Variants in NBEA observed in about 807,000 individuals in gnomAD.
NBEA encodes the protein neurobeachin.
NBEA carries 44 observed loss-of-function variants against 343.4 expected under a neutral mutation model. That is an observed-to-expected ratio of 0.13 (90% confidence interval 0.10 to 0.16). NBEA has a LOEUF of 0.16. Among genes scored for constraint, NBEA ranks in the 10% least tolerant of loss-of-function variants. The probability of loss-of-function intolerance (pLI) is 1.00; values close to 1 mark genes in which losing one functional copy is unlikely to be tolerated. For synonymous variants in NBEA, 1,175 were observed against 1,238.7 expected (o/e 0.95, Z 1.08); for missense variants, 2,555 against 3,631.3 (o/e 0.70, Z 7.62).
chr13:35,440,742 T>C (rs914346504), intron 39 of NBEA, among the ~76,000 whole-genome samples: 1 of 152,082 alleles, frequency 6.6e-6, no homozygotes, highest in Non-Finnish European at 1.5e-5. Context: ...ACCATAGAAA[T>C]TAGGGGACAT....
intron 41 of NBEA, chr13:35,475,482 G>A (rs754906601): frequency 6.2e-6 from 10 of 1,612,308 alleles, no homozygotes; most frequent in Non-Finnish European, 8.5e-6. Flanking sequence ...TCTGCTTGCC[G>A]GCCAAGGAGT....
intron 44 of NBEA, among the ~76,000 whole-genome samples, chr13:35,560,944 T>C (rs35384848): frequency 0.14 from 22,028 of 152,090 alleles, 1,850 homozygotes; most frequent in East Asian, 0.35. Context: ...TTTGGTTCCC[T>C]ACTGCCATAA....
chr13:35,564,476 T>C (rs972673086), intron 44 of NBEA, among the ~76,000 whole-genome samples: 1 of 152,144 alleles, frequency 6.6e-6, no homozygotes, highest in Non-Finnish European at 1.5e-5. Flanking sequence ...CTGTACTCTT[T>C]GTATATATAC....
At chr13:35,538,204 G>A (rs1281607768) in intron 41 of NBEA, among the ~76,000 whole-genome samples, 1 of 152,038 alleles carries the variant, frequency 6.6e-6, no homozygotes, top group African/African-American at 2.4e-5. Context: ...AGACATCCTG[G>A]GGATGGGATC....
chr13:35,335,828 G>T (rs564665512), intron 36 of NBEA, among the ~76,000 whole-genome samples: 1 of 152,198 alleles, frequency 6.6e-6, no homozygotes, highest in Non-Finnish European at 1.5e-5. Context: ...GCTTTGAAAA[G>T]CTCTAACATA....
intron 13 of NBEA, among the ~76,000 whole-genome samples, chr13:35,112,954 A>G (rs905199615): frequency 2.4e-4 from 36 of 152,270 alleles, no homozygotes; most frequent in Admixed American, 1.3e-3. Flanking sequence ...CATCTAATTC[A>G]GAGACCCCAT....
intron 10 of NBEA, among the ~76,000 whole-genome samples, chr13:35,072,614 CA>C (rs1359149887): frequency 6.6e-6 from 1 of 152,030 alleles, no homozygotes; most frequent in African/African-American, 2.4e-5. Context: ...GGCTGGAGTG[CA>C]GTGGTGTGAT....
chr13:35,017,747 G>A (rs960399403), intron 1 of NBEA, among the ~76,000 whole-genome samples: 13 of 151,986 alleles, frequency 8.6e-5, no homozygotes, highest in South Asian at 2.1e-4. Context: ...TTCAGGCTCC[G>A]GTTTGTCTTT....
intron 1 of NBEA, among the ~76,000 whole-genome samples, chr13:34,946,332 C>A (rs1187878767): frequency 6.6e-6 from 1 of 152,102 alleles, no homozygotes; most frequent in Non-Finnish European, 1.5e-5. Context: ...CTTTTGTAAA[C>A]ACACTTAACA....
intron 36 of NBEA, among the ~76,000 whole-genome samples, chr13:35,318,809 C>T (rs2037930765): frequency 6.6e-6 from 1 of 152,086 alleles, no homozygotes; most frequent in South Asian, 2.1e-4. Context: ...AGGGATTCGA[C>T]TTCTTCCTGG....
At chr13:35,128,496 T>G (rs192585156) in intron 17 of NBEA, among the ~76,000 whole-genome samples, 1 of 152,246 alleles carries the variant, frequency 6.6e-6, no homozygotes, top group Non-Finnish European at 1.5e-5. Context: ...CTTAAACTTG[T>G]GGGTCGGTGT....
At chr13:34,983,287 C>G (rs2060423331) in intron 1 of NBEA, among the ~76,000 whole-genome samples, 1 of 152,192 alleles carries the variant, frequency 6.6e-6, no homozygotes, top group Admixed American at 6.5e-5. Context: ...GGTTTTCTGT[C>G]CTTGCGATAG....
chr13:35,010,741 AATATATAT>A (rs869140392), intron 1 of NBEA, among the ~76,000 whole-genome samples: 729 of 31,484 alleles, frequency 0.023, 18 homozygotes, highest in Middle Eastern at 0.042. Context: ...AAAAAAAAAA[AATATATAT>A]ATATATATAT....
chr13:35,393,693 A>T (rs535796773), intron 38 of NBEA, among the ~76,000 whole-genome samples: 44 of 152,248 alleles, frequency 2.9e-4, no homozygotes, highest in African/African-American at 1.1e-3. Context: ...ATTTGCAACT[A>T]TGAAGTAGCT....
At chr13:35,535,876 G>A (rs2078514906) in intron 41 of NBEA, among the ~76,000 whole-genome samples, 1 of 152,136 alleles carries the variant, frequency 6.6e-6, no homozygotes, top group Non-Finnish European at 1.5e-5. Context: ...CTACATACTG[G>A]TAGGATGAGG....
chr13:35,265,747 A>G (rs955723573), intron 34 of NBEA, among the ~76,000 whole-genome samples: 2 of 151,948 alleles, frequency 1.3e-5, no homozygotes, highest in Non-Finnish European at 2.9e-5. Flanking sequence ...ACCTACAACT[A>G]TGAAACTACT....
intron 1 of NBEA, among the ~76,000 whole-genome samples, chr13:35,009,948 C>T (rs2061429054): frequency 6.6e-6 from 1 of 152,102 alleles, no homozygotes; most frequent in Non-Finnish European, 1.5e-5. Context: ...CCTAACTGAT[C>T]AGAAGGATGG....
chr13:35,183,229 A>G (rs555145196), intron 29 of NBEA, among the ~76,000 whole-genome samples: 6 of 152,114 alleles, frequency 3.9e-5, no homozygotes, highest in East Asian at 3.9e-4. Context: ...GACACCTTCT[A>G]TCATTATCAT....
At chr13:34,973,655 TC>T (rs1333222062) in intron 1 of NBEA, among the ~76,000 whole-genome samples, 2 of 151,946 alleles carry the variant, frequency 1.3e-5, no homozygotes, top group African/African-American at 4.8e-5. Flanking sequence ...AGCTGAGTCA[TC>T]CAAACAGCAA....
Sources: allele counts gnomAD v4.1 joint callset (sites outside exome capture counted in the v4.1 genomes callset), GRCh38; gene constraint gnomAD v4.1.1; transcripts MANE v1.5; gene names NCBI Gene and HGNC (gene_info 2026-07-23, HGNC 2026-07-21).